Variants in IFT52 observed in about 807,000 individuals in gnomAD.
The protein encoded by IFT52 is intraflagellar transport protein 52 homolog.
IFT52 carries 44 observed loss-of-function variants against 54.4 expected under a neutral mutation model. The observed-to-expected ratio is 0.81, with a 90% confidence interval of 0.63 to 1.04. The LOEUF (loss-of-function observed/expected upper bound fraction) is 1.04. Ranked by LOEUF, IFT52 falls within the 50% of genes least tolerant of loss-of-function variation. The pLI is 0.00. For missense variants in IFT52, 452 were observed against 523.6 expected, an observed-to-expected ratio of 0.86 and a Z score of 1.33; for synonymous variants, 181 against 185.3, an observed-to-expected ratio of 0.98 and a Z score of 0.19.
chr20:43,621,733 G>A (rs899724123), intron 9 of IFT52, among the ~76,000 whole-genome samples: 1 of 152,220 alleles, frequency 6.6e-6, no homozygotes, highest in African/African-American at 2.4e-5. Context: ...AAAGTTCTGG[G>A]ATTACAGGCG....
chr20:43,624,197 C>T (rs1358882486), intron 10 of IFT52, 152 bp downstream of exon 10: 9 of 858,456 alleles, frequency 1.0e-5, no homozygotes, highest in Non-Finnish European at 1.5e-5. Context: ...AGAAACTGGG[C>T]TGGGCATGAG....
intron 12 of IFT52, among the ~76,000 whole-genome samples, 191 bp downstream of exon 12, chr20:43,637,444 G>T (rs1422716009): frequency 6.6e-6 from 1 of 152,086 alleles, no homozygotes; most frequent in Admixed American, 6.5e-5. Flanking sequence ...TGTATTTTTA[G>T]TAGAGACGGG....
intron 10 of IFT52, among the ~76,000 whole-genome samples, chr20:43,633,533 C>A (rs1001701043): frequency 6.6e-6 from 1 of 151,724 alleles, no homozygotes; most frequent in African/African-American, 2.4e-5. Flanking sequence ...CATGGTGAAA[C>A]CCCATCTCTA....
chr20:43,596,903 C>T (rs367853799), intron 3 of IFT52, among the ~76,000 whole-genome samples: 4 of 151,388 alleles, frequency 2.6e-5, no homozygotes, highest in Admixed American at 2.0e-4. Context: ...CCACCACGCC[C>T]GGCTAATTTT....
rs370990410 is a variant in IFT52 at position 43,647,036 on chromosome 20, A to G, written c.*53A>G. 2.6e-4 allele frequency: 394 copies of G among 1,497,152 alleles called. No individual in the cohort carries two copies. Among genetic ancestry groups the G allele is most frequent in the Middle Eastern group, 1.2e-3 (7 of 5,862 alleles). The allele number at this position is 1,497,152 out of a possible 1,614,324, so 92.7% of individuals were successfully genotyped here. ...CCTCCTGATTCTCTCTTTGTAAACT[A>G]TTTTCAAATTGTTTTTCAACTCCTT... On this transcript the variant is annotated 3_prime_UTR_variant, in exon 14 of 14. Coordinates refer to ENST00000373030, the MANE Select transcript of IFT52 (RefSeq NM_016004.5).
At chr20:43,591,558 AAGAT>A (rs1326404445) in intron 1 of IFT52, among the ~76,000 whole-genome samples, 1 of 152,216 alleles carries the variant, frequency 6.6e-6, no homozygotes. Context: ...AGAACAAAAA[AAGAT>A]AGATGTATCA....
chr20:43,606,273 CTTT>C (rs1173335571), intron 6 of IFT52, among the ~76,000 whole-genome samples: 2 of 134,928 alleles, frequency 1.5e-5, no homozygotes, highest in African/African-American at 2.8e-5. Flanking sequence ...AAATGAACAT[CTTT>C]TTTTTTTTTT....
intron 10 of IFT52, among the ~76,000 whole-genome samples, chr20:43,633,156 C>T (rs560672376): frequency 3.3e-5 from 5 of 151,712 alleles, no homozygotes; most frequent in Non-Finnish European, 7.4e-5. Flanking sequence ...CCAGCCTGAC[C>T]AACATAGAGA....
At chr20:43,634,005 A>AT (rs1163690268) in intron 10 of IFT52, among the ~76,000 whole-genome samples, 10 of 151,570 alleles carry the variant, frequency 6.6e-5, no homozygotes, top group Admixed American at 2.0e-4. Context: ...CCCTACTAAA[A>AT]TTTTTTTTTA....
At chr20:43,611,100 C>T (rs1371572898) in intron 6 of IFT52, among the ~76,000 whole-genome samples, 1 of 152,102 alleles carries the variant, frequency 6.6e-6, no homozygotes, top group African/African-American at 2.4e-5. Flanking sequence ...CTGGATTATC[C>T]AGGAAACAGC....
chr20:43,607,954 A>G (rs1265776772), intron 6 of IFT52, among the ~76,000 whole-genome samples: 1 of 152,212 alleles, frequency 6.6e-6, no homozygotes, highest in Admixed American at 6.5e-5. Context: ...AGACCAGCCC[A>G]GCCAACACAG....
chr20:43,604,307 A>G (rs1340043682), intron 5 of IFT52, 49 bp downstream of exon 5: 1 of 1,354,392 alleles, frequency 7.4e-7, no homozygotes, highest in African/African-American at 1.4e-5. Flanking sequence ...CGTCGCTCAC[A>G]CCTGTAATCC....
intron 6 of IFT52, among the ~76,000 whole-genome samples, chr20:43,612,651 C>G (rs1478842898): frequency 6.6e-6 from 1 of 151,926 alleles, no homozygotes; most frequent in African/African-American, 2.4e-5. Flanking sequence ...ATGTTCATAC[C>G]ACTGCACTCC....
chr20:43,636,136 C>T (rs1985526242), intron 11 of IFT52, 123 bp downstream of exon 11: 2 of 843,202 alleles, frequency 2.4e-6, no homozygotes, highest in African/African-American at 1.7e-5. Context: ...AGTCATAGTG[C>T]TCTGTCTCTA....
rs1186981915 is a variant in IFT52 at position 43,603,771 on chromosome 20, G to T, written c.219G>T (p.Leu73=). The T allele has an allele frequency of 6.2e-7, 1 of 1,611,902 alleles. No individual in the cohort carries two copies. The highest frequency in any genetic ancestry group is 8.5e-7 in the Non-Finnish European group (1 of 1,179,368). The part of the protein sequence containing the change: ...EKFTAAEFEI[L]KKYLDTGGDV... ...TTTCCTTTGTGTAGTTTGAAATCCT[G>T]AAGAAATATCTTGACACTGGTGGAG... is the stretch of plus-strand genomic sequence containing the variant. Residue 73 remains leucine, a synonymous_variant, in exon 4 of 14, where the codon CTG becomes CTT. Coordinates refer to ENST00000373030, the MANE Select transcript of IFT52 (RefSeq NM_016004.5).
At chr20:43,607,193 G>A (rs1278823460) in intron 6 of IFT52, among the ~76,000 whole-genome samples, 1 of 146,554 alleles carries the variant, frequency 6.8e-6, no homozygotes, top group Non-Finnish European at 1.5e-5. Context: ...CCTGGATGGG[G>A]CGGCTGGCCG....
chr20:43,643,049 C>T (rs552932696), intron 13 of IFT52, among the ~76,000 whole-genome samples: 1 of 152,118 alleles, frequency 6.6e-6, no homozygotes, highest in South Asian at 2.1e-4. Flanking sequence ...TGCCTGTAAT[C>T]CCAGCCACTC....
rs113873277 is a variant in IFT52 at position 43,646,460 on chromosome 20, T to C, written c.1267-476T>C. Among the ~76,000 whole-genome samples the C allele has an allele frequency of 1.6e-3, 247 of 152,236 alleles. 1 individual carries two copies. Among genetic ancestry groups the C allele is most frequent in the African/African-American group, 5.6e-3 (233 of 41,526 alleles). ...TAGCAGTGAACAAGATGATTGCGGT[T>C]CTTGCTGTGCCTCTCAGAGCTCTGT... is the stretch of plus-strand genomic sequence containing the variant. On this transcript the variant is annotated intron_variant, in intron 13 of 13. Coordinates refer to ENST00000373030, the MANE Select transcript of IFT52 (RefSeq NM_016004.5).
intron 6 of IFT52, among the ~76,000 whole-genome samples, chr20:43,611,872 G>C (rs984623347): frequency 1.3e-5 from 2 of 151,324 alleles, no homozygotes; most frequent in Admixed American, 1.3e-4. Context: ...TTTACTAAAA[G>C]TACAAAAAGT....
Sources: allele counts gnomAD v4.1 joint callset (sites outside exome capture counted in the v4.1 genomes callset), GRCh38; gene constraint gnomAD v4.1.1; transcripts MANE v1.5; gene names NCBI Gene and HGNC (gene_info 2026-07-23, HGNC 2026-07-21).